Variants in NF2 observed in about 807,000 individuals in gnomAD.
The protein encoded by NF2 is NF2, moesin-ezrin-radixin like (MERLIN) tumor suppressor, also known as merlin.
NF2 carries 8 observed loss-of-function variants against 83.7 expected under a neutral mutation model. That is an observed-to-expected ratio of 0.10 (90% CI 0.06 to 0.17). The LOEUF is 0.17. NF2 is among the 10% of genes least tolerant of loss of function. NF2 has a pLI of 1.00. For missense variants in NF2, 533 were observed against 744.4 expected (o/e 0.72, Z 3.31); for synonymous variants, 266 against 269.6 (o/e 0.99, Z 0.13).
At chr22:29,641,173 G>GC (rs2065800474) in intron 3 of NF2, among the ~76,000 whole-genome samples, 2 of 134,062 alleles carry the variant, frequency 1.5e-5, no homozygotes, top group Middle Eastern at 4.2e-3. Context: ...CTATAGCGTT[G>GC]CTTTTTCCCC....
At chr22:29,614,499 G>A (rs1044701965) in intron 1 of NF2, among the ~76,000 whole-genome samples, 54 of 146,888 alleles carry the variant, frequency 3.7e-4, no homozygotes, top group African/African-American at 1.3e-3. Context: ...GGAGAATGGC[G>A]TGAATCCAGG....
chr22:29,683,624 C>T (rs1025730357), intron 15 of NF2: 3 of 1,091,738 alleles, frequency 2.7e-6, no homozygotes, highest in Admixed American at 9.1e-5. Context: ...AAAGCAAACC[C>T]AGAGCACAGG....
At position 29,668,577 on chromosome 22, in the gene NF2, G is replaced by A. The variant is rs192940921; in HGVS notation, c.999+131G>A. 169 of 710,728 alleles carry A rather than the reference G, an allele frequency of 2.4e-4. 1 individual carries two copies. The highest frequency in any genetic ancestry group is 2.2e-3 in the Middle Eastern group (6 of 2,694). The allele number at this position is 710,728 out of a possible 1,614,324, so 44.0% of individuals were successfully genotyped here. A position where few individuals can be genotyped will look rare whatever the true frequency, so the allele number is the denominator to read the frequency against. ...ACCTGCTCTTGTTTTATACCTTTTG[G>A]ATCTTCATTTGCCGATGCCTACCTG... On this transcript the variant is annotated intron_variant, in intron 10 of 15. Transcript: ENST00000338641.
intron 3 of NF2, among the ~76,000 whole-genome samples, chr22:29,640,737 C>T (rs2146883185): frequency 6.6e-6 from 1 of 151,028 alleles, no homozygotes; most frequent in East Asian, 2.0e-4. Flanking sequence ...AATAAAACCC[C>T]CTAAATTCTT....
chr22:29,644,196 T>G (rs1219425662), intron 4 of NF2, among the ~76,000 whole-genome samples: 1 of 143,668 alleles, frequency 7.0e-6, no homozygotes, highest in Non-Finnish European at 1.5e-5. Context: ...GTCTCCTCAC[T>G]TCTCAGACGG....
chr22:29,619,304 C>T (rs1294134264), intron 1 of NF2, among the ~76,000 whole-genome samples: 1 of 152,138 alleles, frequency 6.6e-6, no homozygotes, highest in Admixed American at 6.6e-5. Context: ...CTTGGCCTCC[C>T]AAAGTGCTGG....
At chr22:29,661,437 T>C (rs2147013785) in intron 8 of NF2, 98 bp downstream of exon 8, 1 of 1,532,224 alleles carries the variant, frequency 6.5e-7, no homozygotes, top group South Asian at 1.1e-5. Flanking sequence ...TTGTTATTCA[T>C]AGAGTCCTTT....
chr22:29,658,737 A>G (rs2066391444), intron 7 of NF2, among the ~76,000 whole-genome samples: 1 of 150,890 alleles, frequency 6.6e-6, no homozygotes, highest in Admixed American at 6.7e-5. Flanking sequence ...CAGACTATTA[A>G]TAGTCTGCTG....
intron 1 of NF2, among the ~76,000 whole-genome samples, chr22:29,613,766 CTT>C: frequency 6.9e-6 from 1 of 145,032 alleles, no homozygotes; most frequent in Admixed American, 6.9e-5. Context: ...TTTCTTTTTT[CTT>C]TTTTTTTTTG....
intron 1 of NF2, among the ~76,000 whole-genome samples, chr22:29,616,294 TTAAA>T (rs2065079394): frequency 6.6e-6 from 1 of 152,136 alleles, no homozygotes; most frequent in Admixed American, 6.6e-5. Context: ...ATTATACACT[TTAAA>T]TGGGTGAATT....
intron 1 of NF2, among the ~76,000 whole-genome samples, chr22:29,630,492 G>C (rs1471079571): frequency 6.6e-6 from 1 of 152,240 alleles, no homozygotes; most frequent in Non-Finnish European, 1.5e-5. Flanking sequence ...GCCTGTTAAA[G>C]TAATGGGTGA....
chr22:29,645,377 A>G (rs745721631), intron 4 of NF2, among the ~76,000 whole-genome samples: 29 of 152,212 alleles, frequency 1.9e-4, no homozygotes, highest in Non-Finnish European at 2.8e-4. Context: ...GAAGGGTAGA[A>G]TTCATGGCTT....
chr22:29,655,524 T>TA (rs2146971129), intron 5 of NF2, 70 bp from the exon 6 acceptor site: 2 of 1,134,378 alleles, frequency 1.8e-6, no homozygotes, highest in Non-Finnish European at 2.7e-6. Context: ...GATGCATAAT[T>TA]ATAAAAGTGG....
chr22:29,638,521 T>G (rs1019405162), intron 2 of NF2, among the ~76,000 whole-genome samples: 1 of 152,074 alleles, frequency 6.6e-6, no homozygotes, highest in Non-Finnish European at 1.5e-5. Flanking sequence ...TGGCTAATTT[T>G]TTGTATTTTT....
chr22:29,663,772 T>C (rs914987342), intron 8 of NF2, among the ~76,000 whole-genome samples: 1 of 152,264 alleles, frequency 6.6e-6, no homozygotes, highest in Non-Finnish European at 1.5e-5. Context: ...AACATATTTA[T>C]CTGCTTAGCA....
intron 4 of NF2, among the ~76,000 whole-genome samples, chr22:29,653,831 G>A (rs753936618): frequency 6.6e-5 from 10 of 152,184 alleles, no homozygotes; most frequent in Non-Finnish European, 1.5e-4. Flanking sequence ...GAAGTACTGA[G>A]CTTTGTTGTT....
At chr22:29,647,398 T>C (rs2066012039) in intron 4 of NF2, among the ~76,000 whole-genome samples, 1 of 152,092 alleles carries the variant, frequency 6.6e-6, no homozygotes, top group South Asian at 2.1e-4. Flanking sequence ...ATGCAAAAAA[T>C]CAGATCTTAA....
At chr22:29,692,458 C>T (rs1189817604) in intron 15 of NF2, among the ~76,000 whole-genome samples, 2 of 152,230 alleles carry the variant, frequency 1.3e-5, no homozygotes, top group Non-Finnish European at 2.9e-5. Flanking sequence ...GAATCTGGTG[C>T]TGCTGGCAGT....
intron 1 of NF2, among the ~76,000 whole-genome samples, chr22:29,631,703 A>G (rs1177515168): frequency 6.6e-6 from 1 of 152,218 alleles, no homozygotes; most frequent in African/African-American, 2.4e-5. Context: ...CAGAGTTACA[A>G]TTAACAATAA....
Sources: gnomAD v4.1 joint callset for allele counts (sites outside exome capture counted in the v4.1 genomes callset) on GRCh38, gnomAD v4.1.1 for gene constraint, MANE v1.5 for transcripts, NCBI Gene and HGNC (gene_info 2026-07-23, HGNC 2026-07-21) for gene names.